TSEN15: variants seen among roughly 807,000 people sequenced by gnomAD.
TSEN15 encodes the protein tRNA splicing endonuclease subunit 15.
In TSEN15, 10 loss-of-function variants were observed where a neutral mutation model predicts 20.5. The ratio of observed to expected loss-of-function variants is 0.49; its 90% CI spans 0.30 to 0.83. The LOEUF (loss-of-function observed/expected upper bound fraction) is 0.83. TSEN15 is among the 40% of genes least tolerant of loss of function. The pLI, the probability that TSEN15 is intolerant of heterozygous loss-of-function variation, is 0.06. For synonymous variants in TSEN15, 72 were observed against 80.1 expected, an observed-to-expected ratio of 0.90 and a Z score of 0.54; for missense variants, 180 against 218.6, an observed-to-expected ratio of 0.82 and a Z score of 1.11.
At chr1:184,089,013 G>GC (rs1421076677) in intron 3 of TSEN15, among the ~76,000 whole-genome samples, 1 of 152,220 alleles carries the variant, frequency 6.6e-6, no homozygotes, top group Non-Finnish European at 1.5e-5. Context: ...AATGAGCTTG[G>GC]CCAAAGGGAG....
At chr1:184,059,818 G>A (rs1196559818) in intron 3 of TSEN15, among the ~76,000 whole-genome samples, 5 of 152,136 alleles carry the variant, frequency 3.3e-5, no homozygotes, top group African/African-American at 4.8e-5. Flanking sequence ...TTATCTGCCC[G>A]CCTTGGCCTC....
exon 4 of TSEN15, chr1:184,097,206 G>A (rs1022979921): frequency 2.6e-5 from 4 of 152,134 alleles, no homozygotes; most frequent in African/African-American, 9.7e-5. Flanking sequence ...GCTGACTTCT[G>A]AAAAATGGGA....
At chr1:184,071,270 G>C (rs1332359090) in intron 3 of TSEN15, 1 of 151,934 alleles carries the variant, frequency 6.6e-6, no homozygotes, top group Admixed American at 6.6e-5. Flanking sequence ...TTAACACAAA[G>C]GATGGGGGAA....
intron 3 of TSEN15, among the ~76,000 whole-genome samples, chr1:184,062,954 T>C (rs1426111157): frequency 6.6e-6 from 1 of 152,116 alleles, no homozygotes; most frequent in Non-Finnish European, 1.5e-5. Context: ...GATACAGCTT[T>C]CTGAAACTAT....
chr1:184,053,708 A>G (rs1474869100), intron 1 of TSEN15, among the ~76,000 whole-genome samples: 4 of 152,192 alleles, frequency 2.6e-5, no homozygotes, highest in Non-Finnish European at 4.4e-5. Flanking sequence ...GTAGTCTGAA[A>G]GAAGCAGCTT....
At chr1:184,071,637 T>TA (rs948031304) in intron 3 of TSEN15, among the ~76,000 whole-genome samples, 14 of 150,180 alleles carry the variant, frequency 9.3e-5, no homozygotes, top group Admixed American at 3.3e-4. Context: ...GAAACTATAG[T>TA]AAAAAAAAAT....
At position 184,067,941 on chromosome 1, in the gene TSEN15, AATATATATAT is replaced by A. The variant is rs58463457; in HGVS notation, c.354-4195_354-4186del. Among the ~76,000 whole-genome samples the A allele has an allele frequency of 1.2e-4, 11 of 95,572 alleles. No individual in the cohort carries two copies. In the South Asian group the frequency reaches 3.2e-3, roughly 28 times the overall value. 62.7% of individuals were successfully genotyped at this position (95,572 alleles called of 152,430 possible). A position where few individuals can be genotyped will look rare whatever the true frequency, so the allele number is the denominator to read the frequency against. On this transcript the variant is annotated intron_variant, in intron 3 of 4. Coordinates refer to ENST00000645668, the MANE Select transcript of TSEN15 (RefSeq NM_052965.4). ...CTCTCTCTCAAAAAAAAAAAAAAAAAATATATATATATATATATATATATATATATGTACA... is the reference window on the plus strand; with the variant it reads ...CTCTCTCTCAAAAAAAAAAAAAAAAAATATATATATATATATATATGTACA...
intron 3 of TSEN15, among the ~76,000 whole-genome samples, chr1:184,062,816 A>G (rs982116995): frequency 2.6e-5 from 4 of 151,742 alleles, no homozygotes; most frequent in African/African-American, 9.7e-5. Flanking sequence ...TTGTTTCTTC[A>G]GTAAGATACA....
chr1:184,085,628 G>A (rs1651249599), intron 3 of TSEN15, among the ~76,000 whole-genome samples: 1 of 152,170 alleles, frequency 6.6e-6, no homozygotes, highest in African/African-American at 2.4e-5. Context: ...GTGAGGGTGG[G>A]AGTCATGCAA....
At chr1:184,079,274 G>T (rs1009570380) in intron 3 of TSEN15, among the ~76,000 whole-genome samples, 2 of 152,112 alleles carry the variant, frequency 1.3e-5, no homozygotes, top group Admixed American at 1.3e-4. Flanking sequence ...TCAGAGATTG[G>T]CCTTTTAGGT....
chr1:184,057,641 C>A (rs1650295891), intron 3 of TSEN15, among the ~76,000 whole-genome samples: 1 of 152,100 alleles, frequency 6.6e-6, no homozygotes, highest in South Asian at 2.1e-4. Context: ...AAGATCCCTT[C>A]TAAATTAAAG....
intron 3 of TSEN15, among the ~76,000 whole-genome samples, chr1:184,086,157 T>C (rs1339659331): frequency 1.3e-5 from 2 of 152,164 alleles, no homozygotes; most frequent in East Asian, 1.9e-4. Flanking sequence ...TTTTGGAAAG[T>C]TCAAAACAGA....
chr1:184,054,468 G>A, intron 2 of TSEN15, 33 bp downstream of exon 2: 1 of 1,511,432 alleles, frequency 6.6e-7, no homozygotes, highest in Non-Finnish European at 9.2e-7. Context: ...TTTGTTATTG[G>A]GACTGTGGTA....
chr1:184,080,729 A>G (rs146190839), intron 3 of TSEN15, among the ~76,000 whole-genome samples: 2 of 152,330 alleles, frequency 1.3e-5, no homozygotes, highest in East Asian at 3.9e-4. Flanking sequence ...AGAAGAACTC[A>G]GAAAGTTTCT....
At chr1:184,070,592 CTT>C (rs1453418183) in intron 3 of TSEN15, 25 of 1,113,674 alleles carry the variant, frequency 2.2e-5, no homozygotes, top group Non-Finnish European at 2.8e-5. Flanking sequence ...AAAAATGTAT[CTT>C]TTTCTATTAT....
chr1:184,056,794 A>G (rs1650264651), intron 3 of TSEN15, among the ~76,000 whole-genome samples: 1 of 152,128 alleles, frequency 6.6e-6, no homozygotes, highest in South Asian at 2.1e-4. Context: ...AGTTCCAAAC[A>G]TGCATTAATT....
chr1:184,052,538 G>A (rs1213907089), intron 1 of TSEN15, among the ~76,000 whole-genome samples: 2 of 152,046 alleles, frequency 1.3e-5, no homozygotes, highest in Non-Finnish European at 2.9e-5. Flanking sequence ...AATAGACAGT[G>A]AATGGAGATG....
chr1:184,081,815 C>T (rs1651173971), intron 3 of TSEN15, among the ~76,000 whole-genome samples: 5 of 152,042 alleles, frequency 3.3e-5, no homozygotes, highest in Admixed American at 2.6e-4. Context: ...CTTCATGGCT[C>T]GGGTTCTGGA....
At chr1:184,085,836 G>C (rs1310582211) in intron 3 of TSEN15, among the ~76,000 whole-genome samples, 1 of 152,152 alleles carries the variant, frequency 6.6e-6, no homozygotes, top group East Asian at 1.9e-4. Flanking sequence ...GTCAAGTTCA[G>C]TACTAGTCAA....
Sources: allele counts gnomAD v4.1 joint callset (sites outside exome capture counted in the v4.1 genomes callset), GRCh38; gene constraint gnomAD v4.1.1; transcripts MANE v1.5; gene names NCBI Gene and HGNC (gene_info 2026-07-23, HGNC 2026-07-21).